Variants in UHRF1 observed in about 807,000 individuals in gnomAD.
UHRF1 encodes the protein ubiquitin like with PHD and ring finger domains 1.
A neutral mutation model predicts 96.5 loss-of-function variants in UHRF1; 9 were observed. The observed-to-expected ratio is 0.09, with a 90% CI of 0.06 to 0.16. The LOEUF (loss-of-function observed/expected upper bound fraction) is 0.16, where lower values mean the gene tolerates loss of function less well. Ranked by LOEUF, UHRF1 falls within the 10% of genes least tolerant of loss-of-function variation. The pLI is 1.00. For missense variants in UHRF1, 626 were observed against 1,131.1 expected (o/e 0.55, Z 6.40); for synonymous variants, 455 against 469.9 (o/e 0.97, Z 0.41).
chr19:4,904,120 G>T (rs1263363334), intron 1 of UHRF1, among the ~76,000 whole-genome samples: 3 of 151,948 alleles, frequency 2.0e-5, no homozygotes, highest in Non-Finnish European at 2.9e-5. Context: ...GGGATTACGG[G>T]CATGGGGGTT....
intron 7 of UHRF1, 46 bp downstream of exon 7, chr19:4,941,977 C>G (rs768656775): frequency 1.4e-6 from 2 of 1,435,870 alleles, no homozygotes; most frequent in African/African-American, 1.4e-5. Context: ...GCGCCCCCTA[C>G]AAATCCCCAG....
intron 2 of UHRF1, among the ~76,000 whole-genome samples, chr19:4,922,660 C>T (rs1188882017): frequency 1.3e-5 from 2 of 152,242 alleles, no homozygotes; most frequent in African/African-American, 2.4e-5. Context: ...TCCTCCTTCG[C>T]GCTTCGGGTT....
In UHRF1 at chr19:4,949,504, A is replaced by T. The variant is rs572262138; in HGVS notation, c.1518-1107A>T. Among the ~76,000 whole-genome samples the T allele has an allele frequency of 9.9e-4, 146 of 147,384 alleles. 1 individual carries two copies. The highest frequency in any genetic ancestry group is 3.2e-3 in the African/African-American group (129 of 40,014). On this transcript the variant is annotated intron_variant, in intron 11 of 16. Coordinates refer to ENST00000650932, the MANE Select transcript of UHRF1 (RefSeq NM_001048201.3). ...CACACACACACACACACACACACAC[A>T]CTCTCACAAAGTCAGTAACTAAGTA...
chr19:4,926,324 G>A (rs2032870325), intron 2 of UHRF1, among the ~76,000 whole-genome samples: 1 of 152,180 alleles, frequency 6.6e-6, no homozygotes, highest in Non-Finnish European at 1.5e-5. Flanking sequence ...TCTCCCCAAA[G>A]CCAGCTGCTC....
At chr19:4,937,293 C>CTT (rs11411657) in intron 5 of UHRF1, among the ~76,000 whole-genome samples, 27,597 of 125,276 alleles carry the variant, frequency 0.22, 3,381 homozygotes, top group African/African-American at 0.27. Flanking sequence ...AGATGGGCCA[C>CTT]TTTTTTTTTT....
chr19:4,944,304 G>A, intron 8 of UHRF1, 39 bp from the exon 9 acceptor site: 3 of 1,613,984 alleles, frequency 1.9e-6, no homozygotes, highest in South Asian at 1.1e-5. Context: ...CGCCTGCCAG[G>A]GCTCACGCTG....
intron 2 of UHRF1, among the ~76,000 whole-genome samples, chr19:4,911,311 T>A: frequency 6.6e-6 from 1 of 152,100 alleles, no homozygotes; most frequent in Non-Finnish European, 1.5e-5. Context: ...AAGCTCCGCC[T>A]CAAAATAATG....
At position 4,944,067 on chromosome 19, in the gene UHRF1, A is replaced by C. The variant is rs563337011; in HGVS notation, c.1074-65A>C. 4.3e-4 allele frequency: 692 copies of C among 1,596,942 alleles called. 2 individuals are homozygous for C. The highest frequency in any genetic ancestry group is 5.5e-4 in the Non-Finnish European group (647 of 1,172,100). On this transcript the variant is annotated intron_variant, in intron 7 of 16. Coordinates refer to ENST00000650932, the MANE Select transcript of UHRF1 (RefSeq NM_001048201.3). ...AGCCATGTCCGTGGTGTGTGGGCAG[A>C]GGGCACATGTTGGCTGAGACATCTG...
intron 2 of UHRF1, among the ~76,000 whole-genome samples, chr19:4,912,212 G>C (rs376008289): frequency 6.6e-6 from 1 of 152,190 alleles, no homozygotes; most frequent in Non-Finnish European, 1.5e-5. Context: ...TGCAAGCCGC[G>C]TGTGTGCAGA....
intron 2 of UHRF1, among the ~76,000 whole-genome samples, chr19:4,924,183 T>A (rs975390937): frequency 6.6e-6 from 1 of 152,152 alleles, no homozygotes; most frequent in Non-Finnish European, 1.5e-5. Context: ...GGAGTCTCGC[T>A]CTGTCGCCCA....
At chr19:4,917,111 G>GT (rs59815341) in intron 2 of UHRF1, among the ~76,000 whole-genome samples, 234 of 77,152 alleles carry the variant, frequency 3.0e-3, no homozygotes, top group African/African-American at 3.7e-3. Context: ...TTAAGTTTTC[G>GT]TTTTTTTTTT....
intron 16 of UHRF1, among the ~76,000 whole-genome samples, chr19:4,959,741 C>T (rs910019014): frequency 5.9e-5 from 9 of 152,190 alleles, no homozygotes; most frequent in Non-Finnish European, 1.2e-4. Flanking sequence ...CTTGCTTTGT[C>T]GCTCAGGCTG....
rs553564325 is a variant in UHRF1, at chr19:4,960,532, G to A, written c.2236-125G>A. The A allele has an allele frequency of 2.1e-5, 29 of 1,368,970 alleles. No individual in the cohort carries two copies. In the African/African-American group the frequency reaches 3.6e-4, roughly 17 times the overall value. The allele number at this position is 1,368,970 out of a possible 1,614,324, so 84.8% of individuals were successfully genotyped here. A position where few individuals can be genotyped will look rare whatever the true frequency, so the allele number is the denominator to read the frequency against. Reference sequence around the variant, plus strand: ...GCTGGTGATGGGCAGCAGGTGGAAAGTGAGACTGAAGGTCAGAGGGGCCTC... The same window carrying A: ...GCTGGTGATGGGCAGCAGGTGGAAAATGAGACTGAAGGTCAGAGGGGCCTC... On this transcript the variant is annotated intron_variant, in intron 16 of 16. Coordinates refer to ENST00000650932, the MANE Select transcript of UHRF1 (RefSeq NM_001048201.3).
intron 4 of UHRF1, 197 bp from the exon 5 acceptor site, chr19:4,932,544 G>A: frequency 3.3e-6 from 2 of 609,886 alleles, no homozygotes; most frequent in South Asian, 2.0e-5. Context: ...TTTTGCAGGG[G>A]ACACGGGCAA....
Position 4,954,680 on chromosome 19 carries a change from G to T in UHRF1, c.1988G>T (p.Arg663Leu), listed in dbSNP as rs1209536136. ...GGGPSRAGSP[R>L]RTSKKTKVEP... The stretch of plus-strand genomic sequence containing the variant: ...GGCCCGAGCAGGGCCGGGTCCCCGC[G>T]CCGGACATCCAAGAAAACCAAGGTG... Residue 663 changes from arginine to leucine, a missense_variant, in exon 15 of 17, where the codon CGC (arginine) becomes CTC (leucine). By Grantham distance (102) the Arg-to-Leu change is moderately radical (BLOSUM62 -2). Transcript: ENST00000650932. The surrounding 1 kb of genome is among the most constrained non-coding windows in gnomAD (Gnocchi z 5.9). 3 of 1,613,096 alleles carry T rather than the reference G, an allele frequency of 1.9e-6. No homozygotes were observed. The highest frequency in any genetic ancestry group is 1.3e-5 in the African/African-American group (1 of 74,884).
At position 4,960,968 on chromosome 19, in the gene UHRF1, A is replaced by G. The variant is rs559296191; in HGVS notation, c.*165A>G. The G allele has an allele frequency of 7.8e-5, 37 of 471,808 alleles. No individual in the cohort carries two copies. Among genetic ancestry groups the G allele is most frequent in the South Asian group, 4.5e-4 (19 of 41,944 alleles). 29.2% of individuals were successfully genotyped at this position (471,808 alleles called of 1,614,324 possible). A position where few individuals can be genotyped will look rare whatever the true frequency, so the allele number is the denominator to read the frequency against. On this transcript the variant is annotated 3_prime_UTR_variant, in exon 17 of 17. Transcript: ENST00000650932. ...TTTTTTATTTTTATTTTTCAAATCT[A>G]TACATTTTCAGGAATTTATGTATTC...
At chr19:4,936,761 C>T (rs2033227657) in intron 5 of UHRF1, among the ~76,000 whole-genome samples, 1 of 147,824 alleles carries the variant, frequency 6.8e-6, no homozygotes, top group African/African-American at 2.5e-5. Context: ...GAGCCGTGAT[C>T]ACACCACTGC....
intron 7 of UHRF1, among the ~76,000 whole-genome samples, chr19:4,943,439 T>G (rs953345145): frequency 6.6e-6 from 1 of 151,488 alleles, no homozygotes; most frequent in African/African-American, 2.4e-5. Flanking sequence ...GGCTCGGGTC[T>G]GAGGACCTGC....
At chr19:4,912,932 G>A (rs576646939) in intron 2 of UHRF1, among the ~76,000 whole-genome samples, 3 of 151,874 alleles carry the variant, frequency 2.0e-5, no homozygotes, top group Admixed American at 2.0e-4. Flanking sequence ...GCTAGTTTTT[G>A]TATCTTTTGT....
Sources: allele counts gnomAD v4.1 joint callset (sites outside exome capture counted in the v4.1 genomes callset), GRCh38; gene constraint gnomAD v4.1.1; non-coding constraint Gnocchi (gnomAD v3.1); transcripts MANE v1.5; gene names NCBI Gene and HGNC (gene_info 2026-07-23, HGNC 2026-07-21).